Variants in LGALS14 observed in about 807,000 individuals in gnomAD.
LGALS14 encodes galectin 14.
Under a neutral mutation model 14.6 loss-of-function variants are expected in LGALS14, and 14 were observed. The observed-to-expected ratio is 0.96, with a 90% CI of 0.64 to 1.50. LGALS14 has a LOEUF of 1.50. Among genes scored for constraint, LGALS14 ranks in the 40% most tolerant of loss-of-function variants. The pLI is 0.00. For missense variants in LGALS14, 180 were observed against 172.0 expected (o/e 1.05, Z -0.26); for synonymous variants, 57 against 63.9 (o/e 0.89, Z 0.51).
chr19:39,705,805 A>G (rs896899178), intron 1 of LGALS14: 9 of 1,396,762 alleles, frequency 6.4e-6, no homozygotes, highest in Non-Finnish European at 8.9e-6. Context: ...TGATTGCACC[A>G]CTGCATATCA....
chr19:39,707,403 A>T lies in LGALS14; in HGVS notation c.303+15A>T. The T allele has an allele frequency of 6.2e-7, 1 of 1,606,904 alleles. No homozygotes were observed. The highest frequency in any genetic ancestry group is 8.5e-7 in the Non-Finnish European group (1 of 1,174,914). ...AGGAATACAAGGTGAGTACTTCAGG[A>T]TCTTCCAGCGCTGGAGCTCTGTGGG... is the stretch of plus-strand genomic sequence containing the variant. On this transcript the variant is annotated intron_variant, in intron 3 of 3. Transcript: ENST00000392052.
intron 3 of LGALS14, among the ~76,000 whole-genome samples, 197 bp downstream of exon 3, chr19:39,707,585 G>A (rs1207537671): frequency 2.6e-5 from 4 of 152,060 alleles, no homozygotes; most frequent in African/African-American, 4.8e-5. Context: ...GATCAAGGTC[G>A]GCTCACCTGC....
At chr19:39,706,467 G>T in intron 1 of LGALS14, 130 bp from the exon 2 acceptor site, 1 of 696,770 alleles carries the variant, frequency 1.4e-6, no homozygotes. Context: ...CCCTGACTGT[G>T]GTAGGGTGAA....
intron 3 of LGALS14, among the ~76,000 whole-genome samples, chr19:39,708,839 T>A (rs771551125): frequency 1.3e-5 from 2 of 152,178 alleles, no homozygotes; most frequent in Non-Finnish European, 2.9e-5. Flanking sequence ...TCAATGAACA[T>A]GGCCTCGCAC....
intron 1 of LGALS14, chr19:39,705,822 G>A: frequency 6.5e-7 from 1 of 1,544,320 alleles, no homozygotes; most frequent in Admixed American, 1.8e-5. Flanking sequence ...ATCAGCCTGG[G>A]TGACAGAGCA....
chr19:39,704,701 T>C (rs1973690276), intron 1 of LGALS14, among the ~76,000 whole-genome samples, 158 bp downstream of exon 1: 1 of 152,014 alleles, frequency 6.6e-6, no homozygotes, highest in Non-Finnish European at 1.5e-5. Flanking sequence ...CTGTGGTATC[T>C]GAGATGATTG....
At chr19:39,708,737 C>T (rs1223794092) in intron 3 of LGALS14, among the ~76,000 whole-genome samples, 2 of 152,162 alleles carry the variant, frequency 1.3e-5, no homozygotes, top group African/African-American at 4.8e-5. Context: ...CATTCTTTGC[C>T]ACTAACACCT....
chr19:39,707,442 A>G, intron 3 of LGALS14, 54 bp downstream of exon 3: 1 of 1,483,246 alleles, frequency 6.7e-7, no homozygotes, highest in Non-Finnish European at 9.3e-7. Flanking sequence ...TTAGAGCAGG[A>G]GGCAGCTTTC....
chr19:39,706,822 A>T (rs1973721166), intron 2 of LGALS14, 149 bp downstream of exon 2: 1 of 722,982 alleles, frequency 1.4e-6, no homozygotes, highest in African/African-American at 1.7e-5. Context: ...CCTTCCAGCA[A>T]CAGACATGAG....
At chr19:39,705,681 A>T in intron 1 of LGALS14, 1 of 460,552 alleles carries the variant, frequency 2.2e-6, no homozygotes, top group South Asian at 2.4e-5. Context: ...TTTCTTTAAA[A>T]ATCTTTAAAT....
At position 39,707,303 on chromosome 19, in the gene LGALS14, G is replaced by A. The variant is rs2144897912; in HGVS notation, c.218G>A (p.Arg73Lys). 9 of 1,614,116 alleles carry A rather than the reference G, an allele frequency of 5.6e-6. No homozygotes were observed. Among genetic ancestry groups the A allele is most frequent in the Non-Finnish European group, 7.6e-6 (9 of 1,179,938 alleles). ...AACAGTTGTGTGTTTGGCATATGGA[G>A]ATATGAGGAGAAATGCTACTATTTA... ...IMNSCVFGIWRYEEKCYYLPF... is the reference protein window; with the variant it reads ...IMNSCVFGIWKYEEKCYYLPF... Residue 73 changes from arginine to lysine, a missense_variant, in exon 3 of 4, where the codon AGA (arginine) becomes AAA (lysine). By Grantham distance (26) the Arg-to-Lys change is conservative. Coordinates refer to ENST00000392052, the MANE Select transcript of LGALS14 (RefSeq NM_020129.3).
intron 1 of LGALS14, 129 bp downstream of exon 1, chr19:39,704,672 T>C: frequency 1.2e-6 from 1 of 852,450 alleles, no homozygotes; most frequent in Non-Finnish European, 1.9e-6. Context: ...TGTGGGTGTG[T>C]AGAAGAGAAA....
In LGALS14 at chr19:39,709,296, G is replaced by C. The variant is rs1389438714; in HGVS notation, c.403G>C (p.Val135Leu). 2.5e-6 allele frequency: 4 copies of C among 1,591,682 alleles called. No homozygotes were observed. The highest frequency in any genetic ancestry group is 2.6e-6 in the Non-Finnish European group (3 of 1,159,734). ...QVFRDISLTRVLISD is the reference protein window; with the variant it reads ...QVFRDISLTRLLISD ...CTTCAGAGATATCTCCCTGACCAGAGTGCTTATCAGCGATTGAGGGAGATG... is the reference window on the plus strand; with the variant it reads ...CTTCAGAGATATCTCCCTGACCAGACTGCTTATCAGCGATTGAGGGAGATG... The change falls in exon 4 of 4, where the codon GTG becomes CTG. Residue 135 changes from valine (V) to leucine (L), a missense_variant. Transcript: ENST00000392052.
chr19:39,708,871 G>A (rs1973756811), intron 3 of LGALS14, among the ~76,000 whole-genome samples: 1 of 152,206 alleles, frequency 6.6e-6, no homozygotes, highest in Non-Finnish European at 1.5e-5. Context: ...CAGGTCCTGT[G>A]CGAGATGCAG....
At chr19:39,706,699 G>T (rs373248159) in intron 2 of LGALS14, 26 bp downstream of exon 2, 17 of 1,526,188 alleles carry the variant, frequency 1.1e-5, no homozygotes, top group Non-Finnish European at 1.5e-5. Context: ...TCCAATGGAG[G>T]GGGTGGAGGA....
At chr19:39,706,470 AGG>A in intron 1 of LGALS14, 125 bp from the exon 2 acceptor site, 1 of 699,606 alleles carries the variant, frequency 1.4e-6, no homozygotes, top group Non-Finnish European at 2.6e-6. Flanking sequence ...TGACTGTGGT[AGG>A]GTGAAAGGGG....
chr19:39,709,189 T>C lies in LGALS14; in HGVS notation c.304-8T>C. The C allele has an allele frequency of 2.5e-6, 4 of 1,580,522 alleles. No individual in the cohort carries two copies. The highest frequency in any genetic ancestry group is 2.6e-6 in the Non-Finnish European group (3 of 1,149,422). The stretch of plus-strand genomic sequence containing the variant: ...TGCTGTCTTTCTGATGCATTTTTCC[T>C]CTTGTAGGTAATGGTAAATGGCCAA... On this transcript the variant is annotated splice_polypyrimidine_tract_variant and splice_region_variant and intron_variant, in intron 3 of 3. Coordinates refer to ENST00000392052, the MANE Select transcript of LGALS14 (RefSeq NM_020129.3).
At chr19:39,706,790 A>C in intron 2 of LGALS14, 117 bp downstream of exon 2, 7 of 874,450 alleles carry the variant, frequency 8.0e-6, no homozygotes, top group Admixed American at 1.8e-5. Context: ...TGAAGGCCTC[A>C]TGCAAGTGCA....
intron 1 of LGALS14, 88 bp downstream of exon 1, chr19:39,704,631 G>A: frequency 2.3e-6 from 3 of 1,283,516 alleles, no homozygotes; most frequent in South Asian, 2.5e-5. Flanking sequence ...GAAAATATGA[G>A]CATTCCTACT....
Sources: allele counts gnomAD v4.1 joint callset (sites outside exome capture counted in the v4.1 genomes callset), GRCh38; gene constraint gnomAD v4.1.1; transcripts MANE v1.5; gene names NCBI Gene and HGNC (gene_info 2026-07-23, HGNC 2026-07-21).